The following SETBP1 variants were observed in gnomAD, a reference collection of about 807,000 sequenced individuals.
SETBP1 encodes SET binding protein 1, also known as SET-binding protein.
In SETBP1, 9 loss-of-function variants were observed where a neutral mutation model predicts 101.0. That is an observed-to-expected ratio of 0.09 (90% CI 0.05 to 0.16). The LOEUF (loss-of-function observed/expected upper bound fraction) is 0.16. Ranked by LOEUF, SETBP1 falls within the 10% of genes least tolerant of loss-of-function variation. The probability of loss-of-function intolerance (pLI) is 1.00; values close to 1 mark genes in which losing one functional copy is unlikely to be tolerated. For missense variants in SETBP1, 1,858 were observed against 2,033.8 expected, an observed-to-expected ratio of 0.91 and a Z score of 1.66; for synonymous variants, 818 against 788.5, an observed-to-expected ratio of 1.04 and a Z score of -0.63.
intron 4 of SETBP1, among the ~76,000 whole-genome samples, chr18:45,037,209 T>C (rs1332687998): frequency 6.6e-6 from 1 of 152,146 alleles, no homozygotes; most frequent in Admixed American, 6.5e-5. Flanking sequence ...AGAAACTGAA[T>C]AGGTAACCAT....
chr18:44,770,944 G>A (rs1399745548), intron 2 of SETBP1, among the ~76,000 whole-genome samples: 1 of 152,022 alleles, frequency 6.6e-6, no homozygotes, highest in Admixed American at 6.6e-5. Context: ...TAGAATGAGG[G>A]TTCTGGGTCA....
intron 5 of SETBP1, among the ~76,000 whole-genome samples, chr18:45,062,006 G>A (rs947962635): frequency 3.9e-5 from 6 of 152,206 alleles, no homozygotes; most frequent in African/African-American, 1.4e-4. Context: ...GAGTCTGTGT[G>A]AGTGTATGTG....
intron 3 of SETBP1, among the ~76,000 whole-genome samples, chr18:44,924,872 G>A (rs571638725): frequency 1.3e-4 from 20 of 152,264 alleles, no homozygotes; most frequent in Non-Finnish European, 8.8e-5. Context: ...GTTCCCAGAT[G>A]GTTCAGAAGA....
At chr18:44,949,439 G>A (rs2071284024) in intron 3 of SETBP1, among the ~76,000 whole-genome samples, 1 of 152,222 alleles carries the variant, frequency 6.6e-6, no homozygotes. Context: ...AGAACACTGG[G>A]AGTCGGGAAT....
At chr18:44,871,734 T>A (rs564296063) in intron 3 of SETBP1, 1 of 152,288 alleles carries the variant, frequency 6.6e-6, no homozygotes, top group East Asian at 1.9e-4. Flanking sequence ...CCATGGTTAT[T>A]GGTTACTAAA....
Position 45,064,443 on chromosome 18 carries a change from T to C in SETBP1, c.*745T>C, listed in dbSNP as rs972459273. 2.0e-5 allele frequency: 3 copies of C among 152,212 alleles called. No individual in the cohort carries two copies. The highest frequency in any genetic ancestry group is 2.9e-5 in the Non-Finnish European group (2 of 68,032). The allele number at this position is 152,212 out of a possible 1,614,324, so 9.4% of individuals were successfully genotyped here. A position where few individuals can be genotyped will look rare whatever the true frequency, so the allele number is the denominator to read the frequency against. Reference sequence around the variant, plus strand: ...TAACTTACTTGCTGCCTTTTTTTTTTCTTGGTACACATTTAAATAAAGTAA... The same window carrying C: ...TAACTTACTTGCTGCCTTTTTTTTTCCTTGGTACACATTTAAATAAAGTAA... On this transcript the variant is annotated 3_prime_UTR_variant, in exon 6 of 6. Transcript: ENST00000649279.
intron 4 of SETBP1, among the ~76,000 whole-genome samples, chr18:45,000,012 T>G (rs902154890): frequency 6.6e-6 from 1 of 152,242 alleles, no homozygotes. Flanking sequence ...TTTCCAAAAT[T>G]TTCTCATCTG....
At chr18:45,056,254 T>C (rs1228015661) in intron 5 of SETBP1, among the ~76,000 whole-genome samples, 1 of 152,228 alleles carries the variant, frequency 6.6e-6, no homozygotes, top group African/African-American at 2.4e-5. Context: ...GTTTTTCTGT[T>C]GAAAAGTCTT....
intron 2 of SETBP1, among the ~76,000 whole-genome samples, chr18:44,865,578 T>C (rs2040973717): frequency 6.6e-6 from 1 of 152,222 alleles, no homozygotes; most frequent in Non-Finnish European, 1.5e-5. Flanking sequence ...GTGCCTGAGG[T>C]TCAGCTGTTT....
At chr18:44,693,188 A>G (rs1308779944) in intron 1 of SETBP1, among the ~76,000 whole-genome samples, 1 of 152,168 alleles carries the variant, frequency 6.6e-6, no homozygotes, top group Non-Finnish European at 1.5e-5. Context: ...TTACTTAGTT[A>G]TAGGCAGCTG....
chr18:45,043,145 C>T (rs750361538), intron 5 of SETBP1, among the ~76,000 whole-genome samples: 5 of 152,104 alleles, frequency 3.3e-5, no homozygotes, highest in African/African-American at 4.8e-5. Context: ...GAACTAACTT[C>T]TCAGGGAGAT....
intron 3 of SETBP1, among the ~76,000 whole-genome samples, chr18:44,924,515 T>G (rs1379290051): frequency 1.3e-5 from 2 of 152,134 alleles, no homozygotes; most frequent in African/African-American, 4.8e-5. Flanking sequence ...ATTAGCCACT[T>G]TATTATTTAT....
Position 44,836,119 on chromosome 18 carries a change from C to CTT in SETBP1, c.487-33100_487-33099dup, listed in dbSNP as rs34638058. Among the ~76,000 whole-genome samples, 864 of 147,286 alleles carry CTT rather than the reference C, an allele frequency of 5.9e-3. 9 individuals carry two copies. The highest frequency in any genetic ancestry group is 0.025 in the Middle Eastern group (7 of 284). Reference sequence around the variant, plus strand: ...ACATCATTTCCTTACTCTCTATAAGCTTTTTTTTTTTTATTGTAAATGTTA... The same window carrying CTT: ...ACATCATTTCCTTACTCTCTATAAGCTTTTTTTTTTTTTTATTGTAAATGTTA... On this transcript the variant is annotated intron_variant, in intron 2 of 5. Transcript: ENST00000649279.
rs140436683 is a variant in SETBP1, at chr18:45,065,069, C to T, written c.*1371C>T. ...CTGCATGGATGCAAACTGTGTGTGA[C>T]AAATCGTCTTTTAAATGGTCAATTT... is the stretch of plus-strand genomic sequence containing the variant. On this transcript the variant is annotated 3_prime_UTR_variant, in exon 6 of 6. Transcript: ENST00000649279. 1 of 152,304 alleles carries T rather than the reference C, an allele frequency of 6.6e-6. No individual in the cohort carries two copies. The highest frequency in any genetic ancestry group is 1.9e-4 in the East Asian group (1 of 5,194). The allele number at this position is 152,304 out of a possible 1,614,324, so 9.4% of individuals were successfully genotyped here.
intron 2 of SETBP1, among the ~76,000 whole-genome samples, chr18:44,851,640 A>G (rs2072866991): frequency 6.6e-6 from 1 of 151,552 alleles, no homozygotes; most frequent in African/African-American, 2.4e-5. Context: ...TTCCTTTTAC[A>G]CACACAAGTG....
chr18:44,737,376 A>G (rs191250436), intron 2 of SETBP1, among the ~76,000 whole-genome samples: 1 of 152,284 alleles, frequency 6.6e-6, no homozygotes, highest in Non-Finnish European at 1.5e-5. Flanking sequence ...TGCCCTGGGG[A>G]GAGGACTGGT....
At chr18:44,892,908 A>G (rs2069805928) in intron 3 of SETBP1, among the ~76,000 whole-genome samples, 1 of 152,148 alleles carries the variant, frequency 6.6e-6, no homozygotes, top group African/African-American at 2.4e-5. Flanking sequence ...GATTTCTGGC[A>G]TCTCCATGAC....
chr18:45,034,579 T>C (rs1197693160), intron 4 of SETBP1, among the ~76,000 whole-genome samples: 1 of 152,200 alleles, frequency 6.6e-6, no homozygotes, highest in Non-Finnish European at 1.5e-5. Flanking sequence ...TATAGCGGAA[T>C]GTTTTTCCTA....
chr18:44,753,528 G>T (rs1462495764), intron 2 of SETBP1, among the ~76,000 whole-genome samples: 1 of 152,188 alleles, frequency 6.6e-6, no homozygotes, highest in Non-Finnish European at 1.5e-5. Context: ...CACCATTATG[G>T]AGCCTTTCTA....
Sources: gnomAD v4.1 joint callset for allele counts (sites outside exome capture counted in the v4.1 genomes callset) on GRCh38, gnomAD v4.1.1 for gene constraint, MANE v1.5 for transcripts, NCBI Gene and HGNC (gene_info 2026-07-23, HGNC 2026-07-21) for gene names.